FARP1: variants seen among roughly 807,000 people sequenced by gnomAD.
FARP1 encodes FERM, ARH/RhoGEF and pleckstrin domain protein 1, also known as FERM, ARHGEF and pleckstrin domain-containing protein 1.
A neutral mutation model predicts 128.8 loss-of-function variants in FARP1; 52 were observed. The observed-to-expected ratio is 0.40, with a 90% CI of 0.32 to 0.51. FARP1 has a LOEUF of 0.51. Among genes scored for constraint, FARP1 ranks in the 20% least tolerant of loss-of-function variants. The pLI, the probability that FARP1 is intolerant of heterozygous loss-of-function variation, is 0.45. For synonymous variants in FARP1, 580 were observed against 551.8 expected (o/e 1.05, Z -0.72); for missense variants, 1,333 against 1,367.9 (o/e 0.97, Z 0.40).
At chr13:98,375,445 C>A (rs2140001428) in intron 5 of FARP1, among the ~76,000 whole-genome samples, 1 of 152,272 alleles carries the variant, frequency 6.6e-6, no homozygotes, top group African/African-American at 2.4e-5. Flanking sequence ...TAAAACCTTT[C>A]TTCAACTACT....
intron 2 of FARP1, among the ~76,000 whole-genome samples, chr13:98,256,948 G>GATATATATAT (rs56701739): frequency 1.3e-5 from 1 of 77,074 alleles, no homozygotes; most frequent in Non-Finnish European, 2.7e-5. Context: ...TATATATGTG[G>GATATATATAT]ATATATATAT....
chr13:98,267,675 G>A (rs538528500), intron 2 of FARP1, among the ~76,000 whole-genome samples: 24 of 152,200 alleles, frequency 1.6e-4, no homozygotes, highest in Non-Finnish European at 2.9e-4. Context: ...GAAACACGAC[G>A]GGAATCCAGA....
chr13:98,189,488 T>C (rs982900924), intron 1 of FARP1, among the ~76,000 whole-genome samples: 1 of 152,150 alleles, frequency 6.6e-6, no homozygotes, highest in Non-Finnish European at 1.5e-5. Flanking sequence ...AGAGAATCAT[T>C]AAAGATTCTG....
intron 14 of FARP1, among the ~76,000 whole-genome samples, chr13:98,409,951 G>C (rs1340382188): frequency 6.6e-6 from 1 of 152,244 alleles, no homozygotes; most frequent in Non-Finnish European, 1.5e-5. Context: ...TTTGAGGGCT[G>C]AGTGATGTCC....
intron 2 of FARP1, among the ~76,000 whole-genome samples, chr13:98,259,223 T>C (rs1231753239): frequency 6.6e-6 from 1 of 151,872 alleles, no homozygotes; most frequent in African/African-American, 2.4e-5. Context: ...GTCTCAAAAA[T>C]AGATATGTAT....
At chr13:98,340,876 A>G (rs9517260) in intron 2 of FARP1, 31,610 of 152,044 alleles carry the variant, frequency 0.21, 3,531 homozygotes, top group Non-Finnish European at 0.24. Context: ...CAAAGTGGTG[A>G]AGATAAGATT....
chr13:98,171,871 G>T (rs1220729488), intron 1 of FARP1, among the ~76,000 whole-genome samples: 1 of 152,150 alleles, frequency 6.6e-6, no homozygotes, highest in Admixed American at 6.5e-5. Context: ...TTGTGCCCCT[G>T]AACGTATCTG....
chr13:98,448,020 C>T (rs1437886631), intron 26 of FARP1: 2 of 584,510 alleles, frequency 3.4e-6, no homozygotes. Flanking sequence ...CAGCAAGGTA[C>T]TTCCAGCTCC....
At position 98,432,690 on chromosome 13, in the gene FARP1, T is replaced by C. The variant is rs147374584; in HGVS notation, c.2143+1410T>C. 309 of 152,428 alleles carry C rather than the reference T, an allele frequency of 2.0e-3. 2 individuals are homozygous for C. Among genetic ancestry groups the C allele is most frequent in the African/African-American group, 7.2e-3 (298 of 41,592 alleles). 9.4% of individuals were successfully genotyped at this position (152,428 alleles called of 1,614,324 possible). A position where few individuals can be genotyped will look rare whatever the true frequency, so the allele number is the denominator to read the frequency against. On this transcript the variant is annotated intron_variant, in intron 18 of 26. Transcript: ENST00000319562. ...CTTGGCTTAAAACCTGGGTGACGGC[T>C]GACTGCCTCAGGCTAAAATCGGAAG...
At position 98,368,169 on chromosome 13, in the gene FARP1, C is replaced by T. The variant is rs1156539893; in HGVS notation, c.372C>T (p.His124=). 6.2e-7 allele frequency: 1 copy of T among 1,613,912 alleles called. No homozygotes were observed. Among genetic ancestry groups the T allele is most frequent in the Non-Finnish European group, 8.5e-7 (1 of 1,179,806 alleles). ...TGGTGAAATTCTTTCCGCCTGACCA[C>T]ACACAACTCCAAGAAGAACTCACAA... ...KFVVKFFPPD[H]TQLQEELTRY... is the part of the protein sequence containing the mutation. Residue 124 remains histidine, a synonymous_variant, in exon 5 of 27, where the codon CAC becomes CAT. Transcript: ENST00000319562.
chr13:98,410,282 C>T lies in FARP1; in HGVS notation c.1603-452C>T, dbSNP rs2892736. On this transcript the variant is annotated intron_variant, in intron 14 of 26. Transcript: ENST00000319562. The stretch of plus-strand genomic sequence containing the variant: ...GAGTTCAGGCCGATGATGCCACCAG[C>T]TGATCTCACCCCTGTCCCTTTAGAC... 8.5e-5 allele frequency among the ~76,000 whole-genome samples: 13 copies of T among 152,360 alleles called. No individual in the cohort carries two copies. The East Asian group carries it at 1.9e-3, about 23-fold the overall frequency.
chr13:98,231,967 A>C (rs1424465977), intron 2 of FARP1, among the ~76,000 whole-genome samples: 1 of 151,872 alleles, frequency 6.6e-6, no homozygotes, highest in Non-Finnish European at 1.5e-5. Flanking sequence ...AGCTGGGATT[A>C]CAGGTACTCG....
intron 2 of FARP1, among the ~76,000 whole-genome samples, chr13:98,217,720 C>A (rs563517473): frequency 2.0e-5 from 3 of 152,254 alleles, no homozygotes; most frequent in Admixed American, 6.5e-5. Context: ...CTTCTCATGC[C>A]AGAACACCCT....
chr13:98,216,918 A>G (rs766876814), intron 2 of FARP1, among the ~76,000 whole-genome samples: 3 of 152,204 alleles, frequency 2.0e-5, no homozygotes, highest in Non-Finnish European at 2.9e-5. Context: ...CCGTGCAAAT[A>G]AGCTTCAGCC....
intron 1 of FARP1, among the ~76,000 whole-genome samples, chr13:98,161,721 GTCTC>G (rs1277498745): frequency 2.6e-5 from 4 of 152,038 alleles, no homozygotes; most frequent in Admixed American, 2.6e-4. Flanking sequence ...CTACCTTCTT[GTCTC>G]TCTTTTTCTC....
At chr13:98,417,666 CAG>C (rs1340386105) in intron 16 of FARP1, among the ~76,000 whole-genome samples, 11 of 151,970 alleles carry the variant, frequency 7.2e-5, no homozygotes, top group Non-Finnish European at 1.3e-4. Flanking sequence ...CCCTCCAGGG[CAG>C]AGAGGGGGCT....
chr13:98,234,600 T>C (rs1424354988), intron 2 of FARP1: 1 of 152,214 alleles, frequency 6.6e-6, no homozygotes, highest in Non-Finnish European at 1.5e-5. Flanking sequence ...TATGGAAATA[T>C]TGTGGACAAT....
At chr13:98,349,055 T>C (rs1888297097) in intron 3 of FARP1, among the ~76,000 whole-genome samples, 2 of 152,218 alleles carry the variant, frequency 1.3e-5, no homozygotes, top group Admixed American at 1.3e-4. Flanking sequence ...ACAGCAGAGA[T>C]AGTTGTATAC....
chr13:98,431,681 C>T (rs9513422), intron 18 of FARP1: 39,247 of 155,984 alleles, frequency 0.25, 5,386 homozygotes, highest in Non-Finnish European at 0.29. Flanking sequence ...AGGCTGGTCT[C>T]GAACTCCTGA....
Sources: allele counts gnomAD v4.1 joint callset (sites outside exome capture counted in the v4.1 genomes callset), GRCh38; gene constraint gnomAD v4.1.1; transcripts MANE v1.5; gene names NCBI Gene and HGNC (gene_info 2026-07-23, HGNC 2026-07-21).